MYH16: variants seen among roughly 807,000 people sequenced by gnomAD.
The protein encoded by MYH16 is putative uncharacterized protein MYH16.
intron 1 of MYH16, among the ~76,000 whole-genome samples, chr7:99,240,453 GAAAACAAAAC>G (rs533835516): frequency 2.0e-5 from 3 of 152,050 alleles, no homozygotes; most frequent in Non-Finnish European, 4.4e-5. Context: ...AGCAAGCAAA[GAAAACAAAAC>G]AAAACAAAAC....
intron 23 of MYH16, 36 bp downstream of exon 5, chr7:99,281,016 C>A: frequency 2.9e-6 from 1 of 341,464 alleles, no homozygotes; most frequent in Non-Finnish European, 5.8e-6. Flanking sequence ...AGCCCAGCAG[C>A]TAGAGCTTGG....
At position 99,285,287 on chromosome 7, in the gene MYH16, T is replaced by C. The variant is rs116084268; in HGVS notation, n.3317-95T>C. ...TCTGCTTTTGACAGTGGCTGTCATA[T>C]TCTCACATCCCTATTTTCCGTCCTA... On this transcript the variant is annotated intron_variant and non_coding_transcript_variant, in intron 26 of 41. Coordinates refer to ENST00000439784, the Ensembl canonical transcript of MYH16. The C allele has an allele frequency of 3.9e-3, 1,710 of 440,728 alleles. 20 individuals carry two copies. Among genetic ancestry groups the C allele is most frequent in the African/African-American group, 0.029 (1,409 of 49,374 alleles). 27.3% of individuals were successfully genotyped at this position (440,728 alleles called of 1,614,324 possible).
rs1791929451 is a variant in MYH16, at chr7:99,260,711, G to A, written n.1575+377G>A. On this transcript the variant is annotated intron_variant and non_coding_transcript_variant, in intron 12 of 41. Transcript: ENST00000439784. ...AGTGGCAGAGTCACGCTCTGACCCA[G>A]GCAATATAATAGTTTTACCTATAAC... is the stretch of plus-strand genomic sequence containing the variant. 3 of 174,568 alleles carry A rather than the reference G, an allele frequency of 1.7e-5. No individual in the cohort carries two copies. In the Admixed American group the frequency reaches 1.7e-4, roughly 10 times the overall value. The allele number at this position is 174,568 out of a possible 1,614,324, so 10.8% of individuals were successfully genotyped here.
chr7:99,280,153 A>G (rs928866011), intron 22 of MYH16, among the ~76,000 whole-genome samples: 1 of 152,194 alleles, frequency 6.6e-6, no homozygotes, highest in Non-Finnish European at 1.5e-5. Context: ...GATTACAGGC[A>G]TGGGCCACCA....
At chr7:99,289,453 A>G in intron 30 of MYH16, 49 bp downstream of exon 11, 1 of 288,058 alleles carries the variant, frequency 3.5e-6, no homozygotes, top group Admixed American at 4.4e-5. Flanking sequence ...CATGGAAAGG[A>G]ACTGGGATTC....
intron 30 of MYH16, among the ~76,000 whole-genome samples, chr7:99,289,736 T>C (rs926845977): frequency 6.6e-6 from 1 of 152,226 alleles, no homozygotes; most frequent in African/African-American, 2.4e-5. Flanking sequence ...ACGATTTATT[T>C]AACTCCTTAA....
At chr7:99,279,861 GTTTTT>G (rs948933682) in intron 22 of MYH16, 124 bp downstream of exon 4, 6 of 347,560 alleles carry the variant, frequency 1.7e-5, no homozygotes, top group Non-Finnish European at 3.4e-5. Flanking sequence ...TTTTTTGGGG[GTTTTT>G]TTTTGTTTGT....
intron 23 of MYH16, among the ~76,000 whole-genome samples, chr7:99,282,636 C>T (rs753950516): frequency 4.7e-5 from 7 of 147,740 alleles, no homozygotes; most frequent in African/African-American, 1.9e-4. Context: ...CTGCACCCCA[C>T]TAATTTTTGT....
chr7:99,261,170 G>A (rs1463915440), intron 12 of MYH16: 2 of 152,104 alleles, frequency 1.3e-5, no homozygotes, highest in African/African-American at 2.4e-5. Context: ...TGTTTAGGTG[G>A]GATTAGCATT....
rs1792076333 is a variant in MYH16 at position 99,273,815 on chromosome 7, C to CAGAGAGGAAAGGAAGGG, written n.2485+408_2485+424dup. 6.9e-5 allele frequency among the ~76,000 whole-genome samples: 7 copies of CAGAGAGGAAAGGAAGGG among 101,306 alleles called. No homozygotes were observed. In the South Asian group the frequency reaches 1.6e-3, roughly 24 times the overall value. 66.5% of individuals were successfully genotyped at this position (101,306 alleles called of 152,430 possible). On this transcript the variant is annotated intron_variant and non_coding_transcript_variant, in intron 20 of 41. Coordinates refer to ENST00000439784, the Ensembl canonical transcript of MYH16. Reference sequence around the variant, plus strand: ...AAGGAAGGGAGAGAGGAAAGGAAGACAGAGAGGAAAGGAAGGGAGAGAGGA... The same window carrying CAGAGAGGAAAGGAAGGG: ...AAGGAAGGGAGAGAGGAAAGGAAGACAGAGAGGAAAGGAAGGGAGAGAGGAAAGGAAGGGAGAGAGGA...
chr7:99,241,845 A>G (rs887040179), intron 1 of MYH16, among the ~76,000 whole-genome samples: 8 of 146,068 alleles, frequency 5.5e-5, no homozygotes, highest in African/African-American at 2.0e-4. Flanking sequence ...GGAGCTTCTT[A>G]AGAGCTGGCA....
chr7:99,294,517 A>AAAAAAAAG (rs1562785490), intron 33 of MYH16, among the ~76,000 whole-genome samples: 9 of 135,084 alleles, frequency 6.7e-5, no homozygotes, highest in African/African-American at 2.3e-4. Context: ...AAAAAAAAAA[A>AAAAAAAAG]AAAAAAAGAA....
rs932254616 is a variant in MYH16 at position 99,288,155 on chromosome 7, G to C, written n.3706+18G>C. On this transcript the variant is annotated intron_variant and non_coding_transcript_variant, in intron 29 of 41. Coordinates refer to ENST00000439784, the Ensembl canonical transcript of MYH16. ...AGTCCAAGGTGAATAACCTAACTGT[G>C]GGCCGGACGCAGTGGCTCACTCCTG... The C allele has an allele frequency of 2.2e-6, 1 of 455,168 alleles. No homozygotes were observed. Among genetic ancestry groups the C allele is most frequent in the African/African-American group, 2.0e-5 (1 of 50,040 alleles). 28.2% of individuals were successfully genotyped at this position (455,168 alleles called of 1,614,324 possible). A position where few individuals can be genotyped will look rare whatever the true frequency, so the allele number is the denominator to read the frequency against.
intron 12 of MYH16, chr7:99,260,346 C>A: frequency 8.2e-7 from 1 of 1,216,300 alleles, no homozygotes; most frequent in Non-Finnish European, 1.2e-6. Context: ...TGACTTGCTT[C>A]TCAAAGGAGG....
chr7:99,297,662 G>A (rs768363842), exon 35 of MYH16: 1 of 456,346 alleles, frequency 2.2e-6, no homozygotes, highest in South Asian at 1.5e-5. Context: ...TATCTCAGAG[G>A]AGATAAAGGA....
chr7:99,254,554 G>A (rs1489142427), intron 8 of MYH16, among the ~76,000 whole-genome samples: 1 of 152,162 alleles, frequency 6.6e-6, no homozygotes, highest in Non-Finnish European at 1.5e-5. Flanking sequence ...TCTCCTCTTG[G>A]TAGACACAGC....
chr7:99,299,968 TTTA>T (rs1792567118), intron 37 of MYH16, among the ~76,000 whole-genome samples: 1 of 142,176 alleles, frequency 7.0e-6, no homozygotes, highest in African/African-American at 2.7e-5. Flanking sequence ...TATTTATTTA[TTTA>T]TTTATTTGAT....
At chr7:99,245,031 C>T (rs1791711950) in intron 2 of MYH16, among the ~76,000 whole-genome samples, 2 of 152,214 alleles carry the variant, frequency 1.3e-5, no homozygotes, top group Non-Finnish European at 2.9e-5. Context: ...TCCCATGATC[C>T]CAGCTGCTTC....
intron 2 of MYH16, among the ~76,000 whole-genome samples, chr7:99,245,842 T>A (rs919141168): frequency 2.0e-5 from 3 of 151,998 alleles, no homozygotes; most frequent in African/African-American, 7.2e-5. Context: ...TTCTTTTTTT[T>A]AAAACAGGGT....
Sources: allele counts gnomAD v4.1 joint callset (sites outside exome capture counted in the v4.1 genomes callset), GRCh38; gene constraint gnomAD v4.1.1; transcripts MANE v1.5; gene names NCBI Gene and HGNC (gene_info 2026-07-23, HGNC 2026-07-21).